LIMK2: variants seen among roughly 807,000 people sequenced by gnomAD.
LIMK2 encodes LIM domain kinase 2.
In LIMK2, 35 loss-of-function variants were observed where a neutral mutation model predicts 75.7. That is an observed-to-expected ratio of 0.46 (90% CI 0.35 to 0.61). The LOEUF is 0.61. LIMK2 is among the 20% of genes least tolerant of loss of function. The pLI, the probability that LIMK2 is intolerant of heterozygous loss-of-function variation, is 0.00. For missense variants in LIMK2, 623 were observed against 831.0 expected (o/e 0.75, Z 3.08); for synonymous variants, 301 against 319.2 (o/e 0.94, Z 0.61).
chr22:31,219,983 A>G (rs1243323664), intron 1 of LIMK2, among the ~76,000 whole-genome samples: 4 of 152,246 alleles, frequency 2.6e-5, no homozygotes, highest in Non-Finnish European at 5.9e-5. Flanking sequence ...ATATTTTCTT[A>G]AGAAAGAACT....
intron 2 of LIMK2, among the ~76,000 whole-genome samples, chr22:31,249,315 G>T (rs1329495077): frequency 6.6e-6 from 1 of 152,178 alleles, no homozygotes; most frequent in Admixed American, 6.5e-5. Context: ...GAGCTCCCAG[G>T]TGAATGTAGT....
At chr22:31,270,067 G>A (rs2048940273) in intron 11 of LIMK2, among the ~76,000 whole-genome samples, 1 of 152,168 alleles carries the variant, frequency 6.6e-6, no homozygotes, top group Non-Finnish European at 1.5e-5. Context: ...GGTTTGGGAA[G>A]AGCTAGCATT....
chr22:31,249,743 G>A (rs1454630419), intron 2 of LIMK2, among the ~76,000 whole-genome samples: 1 of 152,124 alleles, frequency 6.6e-6, no homozygotes, highest in Non-Finnish European at 1.5e-5. Flanking sequence ...ATACTAGTCA[G>A]GTGGCCAGGC....
intron 1 of LIMK2, among the ~76,000 whole-genome samples, chr22:31,215,706 T>G (rs1025321607): frequency 2.6e-5 from 4 of 152,126 alleles, no homozygotes; most frequent in African/African-American, 9.7e-5. Context: ...GTTAAGGTAA[T>G]TAAGGCAAAA....
chr22:31,215,680 A>G (rs2048383743), intron 1 of LIMK2, among the ~76,000 whole-genome samples: 1 of 152,194 alleles, frequency 6.6e-6, no homozygotes, highest in African/African-American at 2.4e-5. Flanking sequence ...TGTGCCTCTG[A>G]GAAACTTACT....
chr22:31,222,403 A>G (rs1366457251), intron 1 of LIMK2, among the ~76,000 whole-genome samples: 8 of 89,644 alleles, frequency 8.9e-5, no homozygotes, highest in African/African-American at 3.5e-4. Flanking sequence ...TTTTTTTGAG[A>G]CAGAGTCTCG....
intron 2 of LIMK2, among the ~76,000 whole-genome samples, chr22:31,229,250 G>T (rs991566884): frequency 6.6e-6 from 1 of 152,204 alleles, no homozygotes; most frequent in Non-Finnish European, 1.5e-5. Flanking sequence ...TGACTTCTGA[G>T]CTTTCCCCTG....
chr22:31,217,359 C>A (rs1434833119), intron 1 of LIMK2, among the ~76,000 whole-genome samples: 1 of 151,534 alleles, frequency 6.6e-6, no homozygotes, highest in Non-Finnish European at 1.5e-5. Flanking sequence ...GTTGCACCAC[C>A]GCACTCCAGC....
intron 2 of LIMK2, among the ~76,000 whole-genome samples, chr22:31,233,707 C>G (rs1033383753): frequency 6.6e-6 from 1 of 152,170 alleles, no homozygotes; most frequent in Non-Finnish European, 1.5e-5. Flanking sequence ...ACTCTTCCCC[C>G]TAAAACTGGC....
chr22:31,278,243 C>T, intron 15 of LIMK2, 54 bp from the exon 16 acceptor site: 1 of 1,523,224 alleles, frequency 6.6e-7, no homozygotes, highest in African/African-American at 1.4e-5. Flanking sequence ...TTCCACCCAC[C>T]CCATGGCCCT....
At chr22:31,239,895 C>G (rs571904495) in intron 2 of LIMK2, among the ~76,000 whole-genome samples, 1 of 152,088 alleles carries the variant, frequency 6.6e-6, no homozygotes, top group African/African-American at 2.4e-5. Context: ...CTACAATATT[C>G]TTTTAGGCAA....
chr22:31,219,750 T>A (rs570914325), intron 1 of LIMK2, among the ~76,000 whole-genome samples: 72 of 152,264 alleles, frequency 4.7e-4, no homozygotes, highest in Middle Eastern at 3.4e-3. Flanking sequence ...TTTTTGTATT[T>A]TTTAGTAGAG....
chr22:31,231,920 A>G (rs1242082860), intron 2 of LIMK2, among the ~76,000 whole-genome samples: 1 of 152,038 alleles, frequency 6.6e-6, no homozygotes, highest in Admixed American at 6.5e-5. Context: ...GAGCTCAAGC[A>G]ATCCTCCCAC....
At chr22:31,272,879 G>A in intron 13 of LIMK2, 175 bp downstream of exon 13, 1 of 1,396,400 alleles carries the variant, frequency 7.2e-7, no homozygotes, top group Non-Finnish European at 9.3e-7. Context: ...GAGCTCAGGG[G>A]GCTGGGAACT....
At position 31,272,703 on chromosome 22, in the gene LIMK2, C is replaced by T. The variant is rs201696320; in HGVS notation, c.1557C>T (p.Asn519=). The change falls in exon 13 of 16, where the codon AAC becomes AAT. Residue 519 remains asparagine, a splice_region_variant and synonymous_variant. Transcript: ENST00000331728. ...NPYWMAPEML[N]GKSYDETVDI... is the part of the protein sequence containing the mutation. ...ACTGGATGGCCCCTGAGATGCTGAA[C>T]GGTGAGTCCTGAAGCCCTGGAGGGG... 91 of 1,601,034 alleles carry T rather than the reference C, an allele frequency of 5.7e-5. No homozygotes were observed. Among genetic ancestry groups the T allele is most frequent in the Non-Finnish European group, 7.3e-5 (86 of 1,173,766 alleles).
At chr22:31,241,309 C>T (rs1274421492) in intron 2 of LIMK2, among the ~76,000 whole-genome samples, 1 of 152,190 alleles carries the variant, frequency 6.6e-6, no homozygotes, top group African/African-American at 2.4e-5. Context: ...AGACTTGGGT[C>T]AAACTCCAGC....
chr22:31,260,648 T>C (rs2048829204), intron 5 of LIMK2, among the ~76,000 whole-genome samples: 1 of 152,208 alleles, frequency 6.6e-6, no homozygotes. Flanking sequence ...CATGTAAATA[T>C]TGATTGTGTA....
intron 15 of LIMK2, among the ~76,000 whole-genome samples, chr22:31,276,622 C>T (rs1434666929): frequency 1.4e-5 from 2 of 146,314 alleles, no homozygotes; most frequent in African/African-American, 4.9e-5. Flanking sequence ...CTGAGCCAGC[C>T]GGCGGGCGTC....
chr22:31,215,982 A>G (rs894946263), intron 1 of LIMK2, among the ~76,000 whole-genome samples: 1 of 152,258 alleles, frequency 6.6e-6, no homozygotes, highest in African/African-American at 2.4e-5. Flanking sequence ...AAGGAACAAG[A>G]TAGACCAAAT....
Sources: allele counts gnomAD v4.1 joint callset (sites outside exome capture counted in the v4.1 genomes callset), GRCh38; gene constraint gnomAD v4.1.1; transcripts MANE v1.5; gene names NCBI Gene and HGNC (gene_info 2026-07-23, HGNC 2026-07-21).